The following FNDC3B variants were observed in gnomAD, a reference collection of about 807,000 sequenced individuals.
The protein encoded by FNDC3B is fibronectin type III domain containing 3B.
A neutral mutation model predicts 151.5 loss-of-function variants in FNDC3B; 12 were observed. That is an observed-to-expected ratio of 0.08 (90% CI 0.05 to 0.13). The LOEUF (loss-of-function observed/expected upper bound fraction) is 0.13, where lower values mean the gene tolerates loss of function less well. FNDC3B is among the 10% of genes least tolerant of loss of function. FNDC3B has a pLI of 1.00. For synonymous variants in FNDC3B, 528 were observed against 549.0 expected, an observed-to-expected ratio of 0.96 and a Z score of 0.54; for missense variants, 1,214 against 1,505.3, an observed-to-expected ratio of 0.81 and a Z score of 3.20.
chr3:172,097,440 A>T (rs1576859995), intron 1 of FNDC3B, among the ~76,000 whole-genome samples: 1 of 152,190 alleles, frequency 6.6e-6, no homozygotes. Flanking sequence ...GTCTCTTTGT[A>T]TGTGGTGGTT....
chr3:172,331,413 A>G (rs551401627), intron 13 of FNDC3B, among the ~76,000 whole-genome samples: 11 of 152,204 alleles, frequency 7.2e-5, no homozygotes, highest in African/African-American at 2.6e-4. Context: ...GCTGGAGTGC[A>G]GTGGCGCGAT....
intron 3 of FNDC3B, among the ~76,000 whole-genome samples, chr3:172,194,052 C>T (rs1724699207): frequency 6.6e-6 from 1 of 151,936 alleles, no homozygotes; most frequent in South Asian, 2.1e-4. Context: ...AACCCCGTCT[C>T]TACTAAAAAT....
At chr3:172,315,612 G>A (rs1731740992) in intron 11 of FNDC3B, among the ~76,000 whole-genome samples, 1 of 152,138 alleles carries the variant, frequency 6.6e-6, no homozygotes. Flanking sequence ...ACCCCATTAG[G>A]AGCAGAAAGG....
chr3:172,198,634 A>C (rs1724974180), intron 3 of FNDC3B, among the ~76,000 whole-genome samples: 1 of 152,038 alleles, frequency 6.6e-6, no homozygotes, highest in South Asian at 2.1e-4. Context: ...ATCGTAGGTG[A>C]TGTCTTCCTC....
chr3:172,377,104 A>G (rs1282628746), intron 23 of FNDC3B, among the ~76,000 whole-genome samples: 1 of 152,248 alleles, frequency 6.6e-6, no homozygotes, highest in East Asian at 1.9e-4. Flanking sequence ...CTAAATGAAT[A>G]CATAAATTCT....
intron 11 of FNDC3B, among the ~76,000 whole-genome samples, chr3:172,312,583 CAG>C (rs1731568097): frequency 6.7e-6 from 1 of 149,654 alleles, no homozygotes; most frequent in African/African-American, 2.5e-5. Context: ...CGAGGTTCAC[CAG>C]TACAGAAAAG....
chr3:172,348,877 G>A (rs937452118), intron 21 of FNDC3B, among the ~76,000 whole-genome samples: 3 of 152,134 alleles, frequency 2.0e-5, no homozygotes, highest in Non-Finnish European at 4.4e-5. Flanking sequence ...GCCAGGAAGG[G>A]GGTCTGTTCA....
intron 1 of FNDC3B, among the ~76,000 whole-genome samples, chr3:172,080,286 TA>T (rs918230551): frequency 6.6e-6 from 1 of 152,106 alleles, no homozygotes; most frequent in Non-Finnish European, 1.5e-5. Context: ...TCTTTTTTTT[TA>T]AGAGACAGAG....
At chr3:172,361,320 T>G (rs1018315137) in intron 22 of FNDC3B, among the ~76,000 whole-genome samples, 1 of 152,244 alleles carries the variant, frequency 6.6e-6, no homozygotes, top group African/African-American at 2.4e-5. Flanking sequence ...TGCTTCCCTT[T>G]TAATTATAAG....
At chr3:172,249,878 C>T (rs2108774086) in intron 5 of FNDC3B, among the ~76,000 whole-genome samples, 1 of 152,328 alleles carries the variant, frequency 6.6e-6, no homozygotes, top group East Asian at 1.9e-4. Context: ...GTAATTGAGA[C>T]AGCAGTTTTG....
rs554462332 is a variant in FNDC3B at position 172,308,914 on chromosome 3, GA to G, written c.1200+1415del. On this transcript the variant is annotated intron_variant, in intron 10 of 25. Transcript: ENST00000415807. ...AATCCATTTTGTTTGGAAAATATAAGAACTCATCTTTAGATGACCTGAGGGA... is the reference window on the plus strand; with the variant it reads ...AATCCATTTTGTTTGGAAAATATAAGACTCATCTTTAGATGACCTGAGGGA... Among the ~76,000 whole-genome samples, 12 of 152,186 alleles carry G rather than the reference GA, an allele frequency of 7.9e-5. No individual in the cohort carries two copies. In the South Asian group the frequency reaches 2.3e-3, roughly 29 times the overall value.
At chr3:172,068,596 T>G (rs1717620324) in intron 1 of FNDC3B, among the ~76,000 whole-genome samples, 1 of 152,046 alleles carries the variant, frequency 6.6e-6, no homozygotes, top group African/African-American at 2.4e-5. Flanking sequence ...GGTAATTGTT[T>G]GTATTTTTGG....
intron 10 of FNDC3B, 33 bp downstream of exon 10, chr3:172,307,534 A>T: frequency 6.2e-7 from 1 of 1,612,456 alleles, no homozygotes. Flanking sequence ...AATCGTCTCA[A>T]TTTAAAAATT....
chr3:172,108,374 CAAAT>C (rs994739434), intron 1 of FNDC3B, among the ~76,000 whole-genome samples: 7 of 152,302 alleles, frequency 4.6e-5, no homozygotes, highest in Middle Eastern at 3.4e-3. Flanking sequence ...TCATTACAAA[CAAAT>C]AGAGTAAGCT....
chr3:172,265,583 C>T (rs1425260772), intron 6 of FNDC3B, among the ~76,000 whole-genome samples: 1 of 152,132 alleles, frequency 6.6e-6, no homozygotes, highest in Non-Finnish European at 1.5e-5. Flanking sequence ...TGAAAATAAA[C>T]CATCCCCAGA....
intron 7 of FNDC3B, 28 bp downstream of exon 7, chr3:172,286,012 A>G (rs764224598): frequency 1.3e-6 from 2 of 1,557,676 alleles, no homozygotes; most frequent in African/African-American, 1.4e-5. Flanking sequence ...CTCAGCATAA[A>G]TGACACTTTT....
At chr3:172,323,135 T>G (rs1247252039) in intron 11 of FNDC3B, among the ~76,000 whole-genome samples, 1 of 152,092 alleles carries the variant, frequency 6.6e-6, no homozygotes, top group Admixed American at 6.6e-5. Context: ...AATATTCAAG[T>G]AGGTAGTAAG....
At chr3:172,377,831 C>T (rs79960201) in intron 23 of FNDC3B, among the ~76,000 whole-genome samples, 5 of 152,234 alleles carry the variant, frequency 3.3e-5, no homozygotes, top group South Asian at 2.1e-4. Context: ...CTGGCCAAAC[C>T]GCAGTTATTT....
chr3:172,345,114 TAAGA>T (rs1303597362), intron 19 of FNDC3B, among the ~76,000 whole-genome samples: 1 of 152,200 alleles, frequency 6.6e-6, no homozygotes, highest in African/African-American at 2.4e-5. Context: ...GCAAGTTTAT[TAAGA>T]AAGTAAAGGA....
Sources: allele counts gnomAD v4.1 joint callset (sites outside exome capture counted in the v4.1 genomes callset), GRCh38; gene constraint gnomAD v4.1.1; transcripts MANE v1.5; gene names NCBI Gene and HGNC (gene_info 2026-07-23, HGNC 2026-07-21).